PDS5B: variants seen among roughly 807,000 people sequenced by gnomAD.
The protein encoded by PDS5B is sister chromatid cohesion protein PDS5 homolog B.
Under a neutral mutation model 184.1 loss-of-function variants are expected in PDS5B, and 51 were observed. The observed-to-expected ratio is 0.28, with a 90% CI of 0.22 to 0.35. PDS5B has a LOEUF of 0.35. Ranked by LOEUF, PDS5B falls within the 10% of genes least tolerant of loss-of-function variation. The probability of loss-of-function intolerance (pLI) is 1.00; values close to 1 mark genes in which losing one functional copy is unlikely to be tolerated. For synonymous variants in PDS5B, 566 were observed against 569.2 expected, an observed-to-expected ratio of 0.99 and a Z score of 0.08; for missense variants, 1,180 against 1,723.3, an observed-to-expected ratio of 0.68 and a Z score of 5.58.
chr13:32,759,642 CA>C lies in PDS5B; in HGVS notation c.3329del (p.Asn1110IlefsTer7). 3.2e-6 allele frequency: 5 copies of C among 1,552,510 alleles called. No individual in the cohort carries two copies. The highest frequency in any genetic ancestry group is 3.5e-6 in the Non-Finnish European group (4 of 1,134,356). ...TQPDKNFSNT[K>X]NYLPPEMKSF... ...CTTGGTTGTAGAATTTCAGTAACAC[CA>C]AAAATTATCTGCCTCCTGAAATGAA... On this transcript the variant is annotated frameshift_variant, in exon 29 of 35. Coordinates refer to ENST00000315596, the MANE Select transcript of PDS5B (RefSeq NM_015032.4). LOFTEE classifies it high-confidence loss of function.
intron 15 of PDS5B, 129 bp from the exon 16 acceptor site, chr13:32,699,601 A>T (rs1414049641): frequency 2.1e-6 from 1 of 485,430 alleles, no homozygotes; most frequent in African/African-American, 2.0e-5. Context: ...TTCACAATTT[A>T]TTTTGTTAAA....
chr13:32,703,644 C>T (rs1266927500), intron 17 of PDS5B, among the ~76,000 whole-genome samples: 1 of 152,186 alleles, frequency 6.6e-6, no homozygotes, highest in East Asian at 1.9e-4. Flanking sequence ...GGAAGTCTGT[C>T]TCTAGAGCCC....
intron 30 of PDS5B, among the ~76,000 whole-genome samples, 153 bp downstream of exon 30, chr13:32,760,873 A>G (rs1954371371): frequency 6.6e-6 from 1 of 152,232 alleles, no homozygotes; most frequent in South Asian, 2.1e-4. Flanking sequence ...ACAAGTTCAT[A>G]CTTATTTGCT....
chr13:32,750,285 G>C (rs1953924434), intron 24 of PDS5B, among the ~76,000 whole-genome samples: 1 of 152,120 alleles, frequency 6.6e-6, no homozygotes, highest in Non-Finnish European at 1.5e-5. Context: ...GTCAGAGAGG[G>C]ACAAAAACCT....
At chr13:32,768,651 C>T (rs1471424910) in intron 31 of PDS5B, among the ~76,000 whole-genome samples, 2 of 151,198 alleles carry the variant, frequency 1.3e-5, no homozygotes, top group East Asian at 2.0e-4. Context: ...AAATTAGCCA[C>T]GCATGGTGGC....
intron 7 of PDS5B, among the ~76,000 whole-genome samples, chr13:32,671,691 A>C (rs879915132): frequency 7.2e-5 from 11 of 152,204 alleles, no homozygotes; most frequent in Non-Finnish European, 1.0e-4. Context: ...TAAAAAAGTC[A>C]CATAAAAACA....
chr13:32,691,295 A>G (rs930426593), intron 13 of PDS5B: 2 of 151,866 alleles, frequency 1.3e-5, no homozygotes, highest in African/African-American at 4.8e-5. Context: ...TTTCTATTCT[A>G]TTTCCAAGAT....
At chr13:32,758,368 A>C (rs1370901754) in intron 27 of PDS5B, 149 bp downstream of exon 27, 1 of 955,586 alleles carries the variant, frequency 1.0e-6, no homozygotes, top group African/African-American at 1.7e-5. Context: ...TAATTTTATT[A>C]CAAGTAAATG....
At chr13:32,753,795 C>G (rs553565966) in intron 25 of PDS5B, among the ~76,000 whole-genome samples, 2 of 152,208 alleles carry the variant, frequency 1.3e-5, no homozygotes, top group East Asian at 3.9e-4. Context: ...GTACTTTTAA[C>G]AGAATAGTAA....
chr13:32,733,284 T>C (rs890732560), intron 20 of PDS5B, among the ~76,000 whole-genome samples: 2 of 152,146 alleles, frequency 1.3e-5, no homozygotes, highest in African/African-American at 4.8e-5. Context: ...CCTCCTCCTA[T>C]GTAGCATTTG....
intron 1 of PDS5B, among the ~76,000 whole-genome samples, chr13:32,605,895 C>G (rs1566241006): frequency 1.5e-5 from 2 of 129,262 alleles, no homozygotes; most frequent in Admixed American, 1.5e-4. Context: ...GCAACCCCTG[C>G]TTTTTTTTTT....
chr13:32,661,385 C>CAAAAA lies in PDS5B; in HGVS notation c.624+2126_624+2130dup, dbSNP rs747985772. ...TGGGTGACAGAGTGAGACTCTGTCTCAAAAAAAAAAAAAAAAAAAAAAAAA... is the reference window on the plus strand; with the variant it reads ...TGGGTGACAGAGTGAGACTCTGTCTCAAAAAAAAAAAAAAAAAAAAAAAAAAAAAA... On this transcript the variant is annotated intron_variant, in intron 6 of 34. Transcript: ENST00000315596. Among the ~76,000 whole-genome samples the CAAAAA allele has an allele frequency of 4.1e-3, 131 of 31,998 alleles. 19 individuals carry two copies. The highest frequency in any genetic ancestry group is 4.9e-3 in the African/African-American group (46 of 9,456). The allele number at this position is 31,998 out of a possible 152,430, so 21.0% of individuals were successfully genotyped here. A position where few individuals can be genotyped will look rare whatever the true frequency, so the allele number is the denominator to read the frequency against.
chr13:32,651,548 C>T (rs1001395080), intron 2 of PDS5B, among the ~76,000 whole-genome samples: 2 of 152,156 alleles, frequency 1.3e-5, no homozygotes, highest in Non-Finnish European at 1.5e-5. Context: ...ATGACTACTA[C>T]ATAAGGGCAA....
chr13:32,635,788 G>A (rs1457551306), intron 1 of PDS5B, among the ~76,000 whole-genome samples: 1 of 140,946 alleles, frequency 7.1e-6, no homozygotes, highest in East Asian at 2.0e-4. Context: ...TTTTTTTTGA[G>A]GCAGAGTCTT....
intron 1 of PDS5B, among the ~76,000 whole-genome samples, chr13:32,630,866 C>T (rs1476504080): frequency 6.6e-6 from 1 of 151,418 alleles, no homozygotes; most frequent in African/African-American, 2.4e-5. Flanking sequence ...CTTACTGTAA[C>T]CTCCGCCTCC....
intron 3 of PDS5B, among the ~76,000 whole-genome samples, chr13:32,653,866 C>CT (rs140237177): frequency 2.6e-5 from 4 of 152,186 alleles, no homozygotes; most frequent in Non-Finnish European, 5.9e-5. Flanking sequence ...GGAAGTCTAA[C>CT]TTAAGACTGC....
chr13:32,659,310 T>A (rs768468583), intron 6 of PDS5B, 30 bp downstream of exon 6: 20 of 1,481,688 alleles, frequency 1.3e-5, no homozygotes, highest in Non-Finnish European at 1.7e-5. Flanking sequence ...GTAATGTGTC[T>A]AATGCCCGTT....
chr13:32,768,789 T>C (rs1954670356), intron 31 of PDS5B, among the ~76,000 whole-genome samples: 1 of 87,178 alleles, frequency 1.1e-5, no homozygotes. Flanking sequence ...CGAGACTCTG[T>C]CTCAAAAAAA....
intron 1 of PDS5B, among the ~76,000 whole-genome samples, chr13:32,610,577 A>G (rs927218712): frequency 1.3e-5 from 2 of 151,760 alleles, no homozygotes; most frequent in Non-Finnish European, 1.5e-5. Flanking sequence ...AAAGTTACCA[A>G]TGTGCCAATG....
Sources: allele counts gnomAD v4.1 joint callset (sites outside exome capture counted in the v4.1 genomes callset), GRCh38; gene constraint gnomAD v4.1.1; transcripts MANE v1.5; gene names NCBI Gene and HGNC (gene_info 2026-07-23, HGNC 2026-07-21).